Variants in ABCC4 observed in about 807,000 individuals in gnomAD.
ABCC4 encodes ATP-binding cassette sub-family C member 4.
A neutral mutation model predicts 168.5 loss-of-function variants in ABCC4; 102 were observed. The observed-to-expected ratio is 0.61, with a 90% CI of 0.52 to 0.71. The LOEUF is 0.71. Ranked by LOEUF, ABCC4 falls within the 30% of genes least tolerant of loss-of-function variation. The pLI, the probability that ABCC4 is intolerant of heterozygous loss-of-function variation, is 0.00. For missense variants in ABCC4, 1,402 were observed against 1,605.8 expected (o/e 0.87, Z 2.17); for synonymous variants, 617 against 590.7 (o/e 1.04, Z -0.65).
At chr13:95,029,221 G>T (rs1373976387) in intron 30 of ABCC4, among the ~76,000 whole-genome samples, 464 of 14,152 alleles carry the variant, frequency 0.033, 9 homozygotes, top group African/African-American at 0.077. Flanking sequence ...TATAGAGAGA[G>T]AGAGAGAGAG....
intron 9 of ABCC4, among the ~76,000 whole-genome samples, chr13:95,192,875 C>T (rs2038300883): frequency 6.6e-6 from 1 of 152,130 alleles, no homozygotes; most frequent in Non-Finnish European, 1.5e-5. Flanking sequence ...GCCGAAATCA[C>T]AGCACTGCAC....
At chr13:95,062,664 C>T in intron 26 of ABCC4, 40 bp downstream of exon 26, 1 of 1,556,082 alleles carries the variant, frequency 6.4e-7, no homozygotes, top group Non-Finnish European at 8.7e-7. Context: ...CATAGTAGCT[C>T]TTATAAAAGG....
chr13:95,246,861 C>G, intron 3 of ABCC4, 114 bp downstream of exon 3: 1 of 1,243,840 alleles, frequency 8.0e-7, no homozygotes, highest in Non-Finnish European at 1.1e-6. Context: ...ACCTTCAAAC[C>G]CCATCTGGCC....
intron 20 of ABCC4, among the ~76,000 whole-genome samples, chr13:95,097,474 A>G (rs1400199906): frequency 3.3e-5 from 5 of 152,224 alleles, no homozygotes; most frequent in African/African-American, 4.8e-5. Context: ...CCCCACTCTT[A>G]GTAAATGACA....
chr13:95,194,448 GTGCACTGA>G (rs2038353912), intron 9 of ABCC4, among the ~76,000 whole-genome samples: 1 of 152,192 alleles, frequency 6.6e-6, no homozygotes, highest in African/African-American at 2.4e-5. Context: ...AGCTGAAAAT[GTGCACTGA>G]TACCCCAAAG....
chr13:95,064,293 T>TAC (rs2033433619), intron 25 of ABCC4, among the ~76,000 whole-genome samples: 4 of 104,230 alleles, frequency 3.8e-5, no homozygotes, highest in Non-Finnish European at 8.0e-5. Context: ...TATATATATA[T>TAC]ATATACACAC....
chr13:95,240,531 AACACACACACACACACACAC>A (rs56298285), intron 3 of ABCC4, among the ~76,000 whole-genome samples: 1 of 149,658 alleles, frequency 6.7e-6, no homozygotes, highest in Non-Finnish European at 1.5e-5. Flanking sequence ...TCCATCTCAA[AACACACACACACACACACAC>A]ACACACACAC....
chr13:95,249,049 A>G (rs910025596), intron 1 of ABCC4, among the ~76,000 whole-genome samples: 3 of 151,960 alleles, frequency 2.0e-5, no homozygotes, highest in Admixed American at 6.6e-5. Context: ...AAAACAATAA[A>G]AAATATAAAT....
chr13:95,037,723 A>C (rs2032182477), intron 29 of ABCC4, among the ~76,000 whole-genome samples: 1 of 152,232 alleles, frequency 6.6e-6, no homozygotes, highest in Non-Finnish European at 1.5e-5. Flanking sequence ...TTGGATAATA[A>C]CTGCATATTT....
At chr13:95,084,721 C>T (rs1368659571) in intron 20 of ABCC4, among the ~76,000 whole-genome samples, 1 of 152,106 alleles carries the variant, frequency 6.6e-6, no homozygotes, top group Admixed American at 6.5e-5. Context: ...TTCAGAGGCA[C>T]ATGATAACAA....
chr13:95,177,294 T>G (rs1190133450), intron 13 of ABCC4, among the ~76,000 whole-genome samples: 1 of 152,134 alleles, frequency 6.6e-6, no homozygotes, highest in East Asian at 1.9e-4. Context: ...AGAGAAATGA[T>G]GGAGGAAAAG....
At chr13:95,035,190 A>T (rs2032068871) in intron 29 of ABCC4, among the ~76,000 whole-genome samples, 1 of 152,220 alleles carries the variant, frequency 6.6e-6, no homozygotes, top group African/African-American at 2.4e-5. Context: ...GAGACCTGAC[A>T]GTAAATTAAT....
chr13:95,240,929 C>A (rs927560560), intron 3 of ABCC4, among the ~76,000 whole-genome samples: 5 of 152,072 alleles, frequency 3.3e-5, no homozygotes, highest in Non-Finnish European at 7.4e-5. Flanking sequence ...CAAGATCACA[C>A]CACTGCACTC....
intron 19 of ABCC4, among the ~76,000 whole-genome samples, chr13:95,129,866 G>A (rs1175825833): frequency 6.6e-6 from 1 of 152,108 alleles, no homozygotes; most frequent in African/African-American, 2.4e-5. Context: ...CCTGAGGTCA[G>A]GAGTTGGAGA....
intron 1 of ABCC4, among the ~76,000 whole-genome samples, chr13:95,257,052 A>C (rs2040410237): frequency 6.6e-6 from 1 of 152,232 alleles, no homozygotes; most frequent in Non-Finnish European, 1.5e-5. Context: ...TGCAACCAAA[A>C]AACCACATAT....
chr13:95,244,057 T>C (rs1441176167), intron 3 of ABCC4, among the ~76,000 whole-genome samples: 1 of 152,116 alleles, frequency 6.6e-6, no homozygotes, highest in Non-Finnish European at 1.5e-5. Context: ...CCCACAGCCA[T>C]GCCCCACTGT....
chr13:95,187,112 T>C lies in ABCC4; in HGVS notation c.1354-220A>G, dbSNP rs530993965. 5.8e-4 allele frequency among the ~76,000 whole-genome samples: 89 copies of C among 152,342 alleles called. No individual in the cohort carries two copies. The South Asian group carries it at 7.5e-3, about 13-fold the overall frequency. On this transcript the variant is annotated intron_variant, in intron 10 of 30. Transcript: ENST00000645237. ...CAAAATAGAGTGTAACAATCTACTC[T>C]GCCCTAATGAGTTTCCCTAAATGAG...
At chr13:95,267,964 A>G (rs2040729127) in intron 1 of ABCC4, among the ~76,000 whole-genome samples, 2 of 152,202 alleles carry the variant, frequency 1.3e-5, no homozygotes, top group Non-Finnish European at 2.9e-5. Context: ...TCCAGACACC[A>G]AAACCTGGAT....
intron 20 of ABCC4, among the ~76,000 whole-genome samples, chr13:95,107,844 T>C (rs2035061079): frequency 6.6e-6 from 1 of 152,016 alleles, no homozygotes; most frequent in Non-Finnish European, 1.5e-5. Context: ...GAGTCTGAGA[T>C]GGGAGAATTG....
Sources: allele counts gnomAD v4.1 joint callset (sites outside exome capture counted in the v4.1 genomes callset), GRCh38; gene constraint gnomAD v4.1.1; transcripts MANE v1.5; gene names NCBI Gene and HGNC (gene_info 2026-07-23, HGNC 2026-07-21).